The following AMOT variants were observed in gnomAD, a reference collection of about 807,000 sequenced individuals.
AMOT encodes the protein angiomotin.
Under a neutral mutation model 67.0 loss-of-function variants are expected in AMOT, and 11 were observed. That is an observed-to-expected ratio of 0.16 (90% CI 0.10 to 0.27). AMOT has a LOEUF of 0.27. AMOT is among the 10% of genes least tolerant of loss of function. AMOT has a pLI of 1.00. For synonymous variants in AMOT, 326 were observed against 321.4 expected (o/e 1.01, Z -0.15); for missense variants, 753 against 852.0 (o/e 0.88, Z 1.45).
intron 5 of AMOT, among the ~76,000 whole-genome samples, chrX:112,812,598 AC>A (rs1420032256): frequency 1.8e-5 from 2 of 112,282 alleles, no homozygotes; most frequent in Non-Finnish European, 1.9e-5. Flanking sequence ...GCTCCATTGC[AC>A]ATATAATAGC....
intron 7 of AMOT, among the ~76,000 whole-genome samples, chrX:112,808,599 G>A (rs1047210796): frequency 3.6e-5 from 4 of 111,984 alleles, no homozygotes; most frequent in African/African-American, 9.7e-5. Flanking sequence ...CGGTAATACC[G>A]TCTGATTTAC....
In AMOT at chrX:112,821,867, G is replaced by C. The variant is rs138800631; in HGVS notation, c.872+388C>G. ...GCTTCATGGAGGGGAATATGTGCAA[G>C]TGATAGGATGTTCCAGACTAATTAA... On this transcript the variant is annotated intron_variant, in intron 4 of 13. Transcript: ENST00000371959. Among the ~76,000 whole-genome samples the C allele has an allele frequency of 2.9e-4, 33 of 112,453 alleles. No individual in the cohort carries two copies. In the East Asian group the frequency reaches 8.7e-3, roughly 30 times the overall value.
In AMOT at chrX:112,829,967, G is replaced by C. The variant is rs758284753; in HGVS notation, c.-212+2327C>G. On this transcript the variant is annotated intron_variant, in intron 2 of 13. Transcript: ENST00000371959. Reference sequence around the variant, plus strand: ...AAAGTATAAAGAGTCCCTGTAATTAGATGGAGCCTAAAATGAGAAAAGTTT... The same window carrying C: ...AAAGTATAAAGAGTCCCTGTAATTACATGGAGCCTAAAATGAGAAAAGTTT... Among the ~76,000 whole-genome samples, 105 of 111,774 alleles carry C rather than the reference G, an allele frequency of 9.4e-4. 1 individual carries two copies. The highest frequency in any genetic ancestry group is 1.5e-3 in the Non-Finnish European group (81 of 53,155).
chrX:112,804,916 C>CCCCCCCCAAA, intron 8 of AMOT, 31 bp downstream of exon 8: 2 of 1,190,649 alleles, frequency 1.7e-6, no homozygotes, highest in Non-Finnish European at 2.3e-6. Context: ...CTCCCACCCC[C>CCCCCCCCAAA]AGGCTCATAT....
chrX:112,833,531 T>C (rs868468037), intron 1 of AMOT, among the ~76,000 whole-genome samples: 1 of 107,799 alleles, frequency 9.3e-6, no homozygotes, highest in East Asian at 3.0e-4. Context: ...GTTTGCTTTT[T>C]AAAAAAACAA....
At chrX:112,834,832 C>T (rs1416785008) in intron 1 of AMOT, among the ~76,000 whole-genome samples, 1 of 112,810 alleles carries the variant, frequency 8.9e-6, no homozygotes, top group Non-Finnish European at 1.9e-5. Flanking sequence ...CCCTTTTCAA[C>T]TAACGTTTCT....
intron 1 of AMOT, among the ~76,000 whole-genome samples, chrX:112,840,233 T>G (rs973097169): frequency 9.0e-6 from 1 of 111,055 alleles, no homozygotes; most frequent in Non-Finnish European, 1.9e-5. Context: ...CCCACTAGCA[T>G]CTCCTCACCG....
chrX:112,801,348 G>A (rs957141142), intron 8 of AMOT, among the ~76,000 whole-genome samples: 8 of 111,354 alleles, frequency 7.2e-5, no homozygotes, highest in Non-Finnish European at 1.5e-4. Flanking sequence ...AGAAAGATAA[G>A]GGCAAGGACG....
chrX:112,831,536 C>A (rs1300813688), intron 2 of AMOT, among the ~76,000 whole-genome samples: 1 of 109,807 alleles, frequency 9.1e-6, no homozygotes, highest in African/African-American at 3.3e-5. Context: ...GCAGAGGAGG[C>A]CCAATTCAAC....
intron 5 of AMOT, among the ~76,000 whole-genome samples, chrX:112,815,096 C>T (rs1158645313): frequency 8.9e-6 from 1 of 111,985 alleles, no homozygotes; most frequent in African/African-American, 3.3e-5. Flanking sequence ...GAATTAATCA[C>T]GTTTTCTTTA....
At position 112,777,872 on chromosome X, in the gene AMOT, A is replaced by C. The variant is rs1267803687; in HGVS notation, c.*695T>G. On this transcript the variant is annotated 3_prime_UTR_variant, in exon 14 of 14. Transcript: ENST00000371959. ...AATATATTAATTATCCAAATGCATA[A>C]ATTACTCCAGAGCATATATATGAAT... The C allele has an allele frequency of 8.9e-6, 1 of 112,162 alleles. No individual in the cohort carries two copies. Among genetic ancestry groups the C allele is most frequent in the Non-Finnish European group, 1.9e-5 (1 of 53,246 alleles). 9.2% of individuals were successfully genotyped at this position (112,162 alleles called of 1,213,427 possible).
intron 8 of AMOT, among the ~76,000 whole-genome samples, chrX:112,795,906 T>C (rs902744161): frequency 9.0e-6 from 1 of 111,363 alleles, no homozygotes; most frequent in African/African-American, 3.3e-5. Context: ...CTTTTCATAC[T>C]TGATGCTTCA....
intron 2 of AMOT, among the ~76,000 whole-genome samples, chrX:112,829,915 C>T (rs980995744): frequency 2.7e-5 from 3 of 111,816 alleles, no homozygotes; most frequent in Non-Finnish European, 3.8e-5. Flanking sequence ...ACCACACCAT[C>T]ACATCCCCTT....
intron 8 of AMOT, among the ~76,000 whole-genome samples, chrX:112,803,819 A>C (rs1934087744): frequency 8.9e-6 from 1 of 112,407 alleles, no homozygotes; most frequent in Non-Finnish European, 1.9e-5. Flanking sequence ...AATGCTAATA[A>C]ATTTCTTTTG....
chrX:112,823,583 A>G (rs1934768460), intron 3 of AMOT, among the ~76,000 whole-genome samples: 1 of 111,539 alleles, frequency 9.0e-6, no homozygotes, highest in Non-Finnish European at 1.9e-5. Flanking sequence ...TGGGGGCAGG[A>G]CAGTGGGGAA....
intron 10 of AMOT, among the ~76,000 whole-genome samples, chrX:112,788,676 T>A (rs1933462267): frequency 8.9e-6 from 1 of 111,815 alleles, no homozygotes; most frequent in Admixed American, 9.4e-5. Flanking sequence ...TCTGTCAGCA[T>A]CTCCTGTGGA....
At chrX:112,812,348 T>A (rs985028280) in intron 5 of AMOT, among the ~76,000 whole-genome samples, 1 of 111,848 alleles carries the variant, frequency 8.9e-6, no homozygotes, top group African/African-American at 3.3e-5. Flanking sequence ...CTAAGATAGA[T>A]TGGAGTCAGA....
intron 4 of AMOT, among the ~76,000 whole-genome samples, chrX:112,816,521 T>C (rs1363553789): frequency 8.9e-6 from 1 of 112,319 alleles, no homozygotes; most frequent in Non-Finnish European, 1.9e-5. Context: ...GCAGTAACCA[T>C]AAAAAGACTT....
intron 4 of AMOT, among the ~76,000 whole-genome samples, chrX:112,818,535 C>A (rs1276619117): frequency 9.0e-6 from 1 of 111,620 alleles, no homozygotes; most frequent in African/African-American, 3.3e-5. Flanking sequence ...TGCAAACCAG[C>A]AATGGCTTGG....
Sources: allele counts gnomAD v4.1 joint callset (sites outside exome capture counted in the v4.1 genomes callset), GRCh38; gene constraint gnomAD v4.1.1; transcripts MANE v1.5; gene names NCBI Gene and HGNC (gene_info 2026-07-23, HGNC 2026-07-21).